TOX: variants seen among roughly 807,000 people sequenced by gnomAD.
TOX encodes thymocyte selection associated high mobility group box.
TOX carries 11 observed loss-of-function variants against 53.7 expected under a neutral mutation model. That is an observed-to-expected ratio of 0.20 (90% CI 0.13 to 0.34). The LOEUF (loss-of-function observed/expected upper bound fraction) is 0.34, where lower values mean the gene tolerates loss of function less well. TOX is among the 10% of genes least tolerant of loss of function. TOX has a pLI of 1.00. For missense variants in TOX, 570 were observed against 664.6 expected (o/e 0.86, Z 1.56); for synonymous variants, 225 against 245.3 (o/e 0.92, Z 0.77).
chr8:58,890,955 T>A (rs1811549622), intron 3 of TOX, among the ~76,000 whole-genome samples: 1 of 152,082 alleles, frequency 6.6e-6, no homozygotes, highest in Non-Finnish European at 1.5e-5. Flanking sequence ...CACAGCCAAG[T>A]CCAACAGGAT....
At position 58,807,572 on chromosome 8, in the gene TOX, A is replaced by G; in HGVS notation, c.*175T>C. The G allele has an allele frequency of 4.8e-6, 3 of 621,200 alleles. No individual in the cohort carries two copies. The South Asian group carries it at 7.4e-5, about 15-fold the overall frequency. The allele number at this position is 621,200 out of a possible 1,614,324, so 38.5% of individuals were successfully genotyped here. On this transcript the variant is annotated 3_prime_UTR_variant, in exon 9 of 9. Coordinates refer to ENST00000361421, the MANE Select transcript of TOX (RefSeq NM_014729.3). ...ATGTCCATAAAGGATTAAAAAAATA[A>G]TAAAGAAGCATGACTATTTCTTCCA... is the stretch of plus-strand genomic sequence containing the variant.
chr8:58,819,174 T>C (rs1428140946), intron 6 of TOX, among the ~76,000 whole-genome samples: 1 of 152,254 alleles, frequency 6.6e-6, no homozygotes, highest in Non-Finnish European at 1.5e-5. Context: ...CCAATTTAAC[T>C]GTGAAAGCAA....
chr8:59,059,113 G>A (rs1803934502), intron 1 of TOX, among the ~76,000 whole-genome samples: 1 of 152,210 alleles, frequency 6.6e-6, no homozygotes, highest in Admixed American at 6.5e-5. Flanking sequence ...GTAAATGAGA[G>A]AAGATAGAGG....
chr8:58,883,640 CA>C (rs1219948363), intron 3 of TOX, among the ~76,000 whole-genome samples: 3 of 151,798 alleles, frequency 2.0e-5, no homozygotes, highest in Non-Finnish European at 4.4e-5. Flanking sequence ...AATCACTTAC[CA>C]AAAACATCAC....
intron 1 of TOX, among the ~76,000 whole-genome samples, chr8:59,058,883 A>G (rs1803930680): frequency 6.6e-6 from 1 of 152,228 alleles, no homozygotes; most frequent in Admixed American, 6.5e-5. Flanking sequence ...CAATGAAGAA[A>G]GTTAACACAG....
intron 1 of TOX, among the ~76,000 whole-genome samples, chr8:59,039,594 CATT>C (rs2129420594): frequency 6.6e-6 from 1 of 152,326 alleles, no homozygotes; most frequent in Admixed American, 6.5e-5. Flanking sequence ...TATTCCCTCT[CATT>C]ATCCTTCCGA....
At position 58,939,294 on chromosome 8, in the gene TOX, A is replaced by T; in HGVS notation, c.411+8T>A. 1 of 1,613,862 alleles carries T rather than the reference A, an allele frequency of 6.2e-7. No individual in the cohort carries two copies. The highest frequency in any genetic ancestry group is 8.5e-7 in the Non-Finnish European group (1 of 1,179,892). On this transcript the variant is annotated splice_region_variant and intron_variant, in intron 3 of 8. Transcript: ENST00000361421. ...GCCCCCACCACAAACAGGTAAGCAG[A>T]TTCTTACCACAGAAATGGAATTAGA...
chr8:58,969,935 C>T (rs1430790226), intron 1 of TOX, among the ~76,000 whole-genome samples: 1 of 152,152 alleles, frequency 6.6e-6, no homozygotes, highest in Admixed American at 6.5e-5. Flanking sequence ...CCATGTGATG[C>T]CCTTTTGCTG....
chr8:58,959,879 A>G, intron 2 of TOX, 64 bp downstream of exon 2: 1 of 1,541,470 alleles, frequency 6.5e-7, no homozygotes, highest in Non-Finnish European at 9.0e-7. Context: ...CTCATTTGCA[A>G]TGCAACTCTT....
At chr8:58,862,314 C>T (rs942695548) in intron 3 of TOX, among the ~76,000 whole-genome samples, 1 of 152,020 alleles carries the variant, frequency 6.6e-6, no homozygotes, top group African/African-American at 2.4e-5. Flanking sequence ...AATTTTATAG[C>T]ATGTTAGATA....
rs1053666537 is a variant in TOX at position 59,034,456 on chromosome 8, G to A, written c.103-74448C>T. 7.0e-5 allele frequency among the ~76,000 whole-genome samples: 10 copies of A among 142,206 alleles called. No homozygotes were observed. The East Asian group carries it at 1.7e-3, about 24-fold the overall frequency. The allele number at this position is 142,206 out of a possible 152,430, so 93.3% of individuals were successfully genotyped here. A position where few individuals can be genotyped will look rare whatever the true frequency, so the allele number is the denominator to read the frequency against. ...CCCTGTCCCCCACCTCCACCCCCAC[G>A]AAGAGCAATATCCAATGCTTAAAAT... On this transcript the variant is annotated intron_variant, in intron 1 of 8. Transcript: ENST00000361421.
chr8:59,049,748 T>C (rs1803755575), intron 1 of TOX, among the ~76,000 whole-genome samples: 1 of 152,194 alleles, frequency 6.6e-6, no homozygotes, highest in South Asian at 2.1e-4. Context: ...TGCTGGCTAC[T>C]GATACCTTTA....
chr8:58,857,928 C>T (rs911973915), intron 3 of TOX, among the ~76,000 whole-genome samples: 1 of 152,092 alleles, frequency 6.6e-6, no homozygotes, highest in African/African-American at 2.4e-5. Context: ...TGCCACAACA[C>T]CCAGCTACTT....
At chr8:58,837,991 A>G in intron 5 of TOX, 90 bp downstream of exon 5, 1 of 1,261,262 alleles carries the variant, frequency 7.9e-7, no homozygotes, top group Non-Finnish European at 1.1e-6. Flanking sequence ...TCTGGGATCT[A>G]AAGAATTTAC....
rs142514302 is a variant in TOX, at chr8:58,839,490, C to A, written c.694-1179G>T. On this transcript the variant is annotated intron_variant, in intron 4 of 8. Coordinates refer to ENST00000361421, the MANE Select transcript of TOX (RefSeq NM_014729.3). ...TTATTCTGATACAACTGGGAAAAAA[C>A]ACATTGAACATATTTAAGATGGCTG... 3.0e-3 allele frequency among the ~76,000 whole-genome samples: 456 copies of A among 152,214 alleles called. 4 individuals carry two copies. Among genetic ancestry groups the A allele is most frequent in the African/African-American group, 0.01 (435 of 41,522 alleles).
At chr8:58,807,804 C>T (rs1238434347) in intron 8 of TOX, 21 bp from the exon 9 acceptor site, 1 of 1,613,902 alleles carries the variant, frequency 6.2e-7, no homozygotes, top group Non-Finnish European at 8.5e-7. Context: ...AGAAAAAAGA[C>T]AGTTCCTTGT....
At chr8:58,850,265 T>C (rs569972973) in intron 4 of TOX, among the ~76,000 whole-genome samples, 1 of 152,144 alleles carries the variant, frequency 6.6e-6, no homozygotes, top group African/African-American at 2.4e-5. Context: ...TTTCCATTCA[T>C]AGATCCCTGG....
intron 1 of TOX, among the ~76,000 whole-genome samples, chr8:58,970,521 C>G (rs903921028): frequency 6.6e-6 from 1 of 152,180 alleles, no homozygotes; most frequent in Non-Finnish European, 1.5e-5. Context: ...GTCTCCCAGC[C>G]AAGGAAAACC....
chr8:58,873,592 A>C lies in TOX; in HGVS notation c.412-21787T>G, dbSNP rs1380766816. 2.0e-5 allele frequency among the ~76,000 whole-genome samples: 3 copies of C among 152,102 alleles called. No homozygotes were observed. The East Asian group carries it at 5.8e-4, about 29-fold the overall frequency. On this transcript the variant is annotated intron_variant, in intron 3 of 8. Transcript: ENST00000361421. ...CTTCTACTACATTCTAAAAATATTA[A>C]TTGTAAGTAGAAAGAAGTTGTCTGT...
Sources: allele counts gnomAD v4.1 joint callset (sites outside exome capture counted in the v4.1 genomes callset), GRCh38; gene constraint gnomAD v4.1.1; transcripts MANE v1.5; gene names NCBI Gene and HGNC (gene_info 2026-07-23, HGNC 2026-07-21).